Variants in EZH2 observed in about 807,000 individuals in gnomAD.
EZH2 encodes histone-lysine N-methyltransferase EZH2.
A neutral mutation model predicts 98.4 loss-of-function variants in EZH2; 18 were observed. The observed-to-expected ratio is 0.18, with a 90% CI of 0.13 to 0.27. The LOEUF is 0.27. Among genes scored for constraint, EZH2 ranks in the 10% least tolerant of loss-of-function variants. The pLI, the probability that EZH2 is intolerant of heterozygous loss-of-function variation, is 1.00. For missense variants in EZH2, 470 were observed against 935.1 expected (o/e 0.50, Z 6.49); for synonymous variants, 338 against 312.3 (o/e 1.08, Z -0.87).
intron 4 of EZH2, among the ~76,000 whole-genome samples, chr7:148,832,054 G>A: frequency 6.6e-6 from 1 of 152,072 alleles, no homozygotes; most frequent in South Asian, 2.1e-4. Flanking sequence ...TTAGATTACA[G>A]GACACTGACT....
intron 1 of EZH2, chr7:148,850,493 G>GT: frequency 1.1e-6 from 1 of 950,974 alleles, no homozygotes; most frequent in African/African-American, 1.8e-5. Context: ...CATCCAGGTA[G>GT]TTCTTTGAAA....
intron 3 of EZH2, among the ~76,000 whole-genome samples, chr7:148,836,149 G>A (rs1184202133): frequency 2.6e-5 from 4 of 152,092 alleles, no homozygotes; most frequent in Non-Finnish European, 4.4e-5. Context: ...TCAGCACAGT[G>A]TCTCAAAAAA....
intron 8 of EZH2, among the ~76,000 whole-genome samples, chr7:148,821,786 A>T (rs1227014267): frequency 1.3e-5 from 2 of 152,246 alleles, no homozygotes; most frequent in African/African-American, 4.8e-5. Context: ...TGATTGTGCC[A>T]CTGCACCACT....
At chr7:148,834,088 T>C (rs1452512981) in intron 3 of EZH2, among the ~76,000 whole-genome samples, 2 of 152,188 alleles carry the variant, frequency 1.3e-5, no homozygotes, top group South Asian at 2.1e-4. Flanking sequence ...CTAAGATGCA[T>C]GTTGTTTCCA....
In EZH2 at chr7:148,816,694, T is replaced by G. The variant is rs1242127267; in HGVS notation, c.1495A>C (p.Arg499=). Residue 499 remains arginine, a synonymous_variant, in exon 12 of 20, where the codon AGG becomes CGG. Transcript: ENST00000320356. ...DVDTPPRKKK[R]KHRLWAAHCR... ...TCATGACAGACTCACCGGTGTTTCCTCTTCTTTTTCCTTGGAGGAGTATCC... is the reference window on the plus strand; with the variant it reads ...TCATGACAGACTCACCGGTGTTTCCGCTTCTTTTTCCTTGGAGGAGTATCC... 1 of 1,613,742 alleles carries G rather than the reference T, an allele frequency of 6.2e-7. No homozygotes were observed. Among genetic ancestry groups the G allele is most frequent in the South Asian group, 1.1e-5 (1 of 91,080 alleles).
At chr7:148,872,867 T>A (rs12704049) in intron 1 of EZH2, among the ~76,000 whole-genome samples, 26,451 of 151,866 alleles carry the variant, frequency 0.17, 2,972 homozygotes, top group Non-Finnish European at 0.25. Flanking sequence ...CCTGAAGACA[T>A]CTTGATATAC....
intron 8 of EZH2, among the ~76,000 whole-genome samples, chr7:148,820,245 CA>C (rs1326312625): frequency 6.6e-6 from 1 of 151,748 alleles, no homozygotes; most frequent in Non-Finnish European, 1.5e-5. Context: ...ATTACAATGT[CA>C]AAAAAACGGA....
At chr7:148,882,897 A>G (rs984983821) in intron 1 of EZH2, among the ~76,000 whole-genome samples, 1 of 152,238 alleles carries the variant, frequency 6.6e-6, no homozygotes, top group African/African-American at 2.4e-5. Context: ...TTAGGCAACA[A>G]ACATTTCTCC....
chr7:148,874,961 T>C (rs1461820823), intron 1 of EZH2, among the ~76,000 whole-genome samples: 1 of 152,084 alleles, frequency 6.6e-6, no homozygotes, highest in Non-Finnish European at 1.5e-5. Context: ...GCAATCATCA[T>C]TTCTACATAC....
intron 3 of EZH2, chr7:148,836,697 A>G (rs1006071917): frequency 6.0e-5 from 23 of 383,138 alleles, no homozygotes; most frequent in South Asian, 2.3e-4. Flanking sequence ...GAGATGATTC[A>G]TCATCAATGG....
intron 1 of EZH2, among the ~76,000 whole-genome samples, chr7:148,857,970 A>C (rs1817085490): frequency 6.6e-6 from 1 of 151,160 alleles, no homozygotes; most frequent in Non-Finnish European, 1.5e-5. Flanking sequence ...AGATGATTAG[A>C]ATTATTTAAA....
At chr7:148,850,652 G>C (rs1268227060) in intron 1 of EZH2, among the ~76,000 whole-genome samples, 1 of 152,062 alleles carries the variant, frequency 6.6e-6, no homozygotes, top group Admixed American at 6.6e-5. Context: ...TATTCCCACT[G>C]TAAGTGCTTC....
In EZH2 at chr7:148,807,431, C is replaced by T; in HGVS notation, c.*215G>A. ...CAAAGTTGAAAAATGTACCATACTG[C>T]ATTATTGCAAAAATTCACTGGTACA... On this transcript the variant is annotated 3_prime_UTR_variant, in exon 20 of 20. Transcript: ENST00000320356. The T allele has an allele frequency of 1.8e-6, 1 of 566,924 alleles. No homozygotes were observed. Among genetic ancestry groups the T allele is most frequent in the South Asian group, 2.3e-5 (1 of 44,008 alleles). 35.1% of individuals were successfully genotyped at this position (566,924 alleles called of 1,614,324 possible). A position where few individuals can be genotyped will look rare whatever the true frequency, so the allele number is the denominator to read the frequency against.
At chr7:148,846,858 G>C (rs1218939893) in intron 2 of EZH2, among the ~76,000 whole-genome samples, 1 of 148,794 alleles carries the variant, frequency 6.7e-6, no homozygotes. Flanking sequence ...GTGTGTGTGT[G>C]TGTGTGTGTG....
chr7:148,841,566 T>C (rs561776390), intron 3 of EZH2, among the ~76,000 whole-genome samples: 1 of 152,310 alleles, frequency 6.6e-6, no homozygotes, highest in Non-Finnish European at 1.5e-5. Flanking sequence ...TTCTGCCATA[T>C]TTGCTCAAAA....
At chr7:148,853,656 G>A (rs1816276731) in intron 1 of EZH2, among the ~76,000 whole-genome samples, 1 of 152,130 alleles carries the variant, frequency 6.6e-6, no homozygotes, top group Non-Finnish European at 1.5e-5. Context: ...CTAATACAAT[G>A]TAAATATTAC....
intron 8 of EZH2, among the ~76,000 whole-genome samples, chr7:148,820,210 A>G (rs1195406474): frequency 6.6e-6 from 1 of 152,196 alleles, no homozygotes. Context: ...ACCTGGTGAG[A>G]GCTTATAGTG....
intron 1 of EZH2, among the ~76,000 whole-genome samples, chr7:148,870,101 GC>G (rs944620764): frequency 1.3e-5 from 2 of 152,104 alleles, no homozygotes; most frequent in African/African-American, 4.8e-5. Flanking sequence ...TCTATTTCAG[GC>G]AAATATTCTC....
Position 148,821,693 on chromosome 7 carries a change from G to A in EZH2, c.908-2006C>T, listed in dbSNP as rs181625023. Among the ~76,000 whole-genome samples, 140 of 152,292 alleles carry A rather than the reference G, an allele frequency of 9.2e-4. 1 individual carries two copies. Among genetic ancestry groups the A allele is most frequent in the Non-Finnish European group, 1.8e-3 (121 of 68,028 alleles). On this transcript the variant is annotated intron_variant, in intron 8 of 19. Transcript: ENST00000320356. ...AAAAGAAAACTAACCAGCAATGGTGGTGCATGCTTGTAGTCCCAGCTACGC... is the reference window on the plus strand; with the variant it reads ...AAAAGAAAACTAACCAGCAATGGTGATGCATGCTTGTAGTCCCAGCTACGC...
Sources: allele counts gnomAD v4.1 joint callset (sites outside exome capture counted in the v4.1 genomes callset), GRCh38; gene constraint gnomAD v4.1.1; transcripts MANE v1.5; gene names NCBI Gene and HGNC (gene_info 2026-07-23, HGNC 2026-07-21).